Variants in ROPN1L observed in about 807,000 individuals in gnomAD.
ROPN1L encodes ropporin-1-like protein.
A neutral mutation model predicts 22.7 loss-of-function variants in ROPN1L; 23 were observed. The ratio of observed to expected loss-of-function variants is 1.01; its 90% confidence interval spans 0.73 to 1.43. The LOEUF (loss-of-function observed/expected upper bound fraction) is 1.43, where lower values mean the gene tolerates loss of function less well. ROPN1L is among the 40% of genes most tolerant of loss of function. ROPN1L has a pLI of 0.00. For missense variants in ROPN1L, 271 were observed against 291.5 expected (o/e 0.93, Z 0.51); for synonymous variants, 116 against 117.8 (o/e 0.98, Z 0.10).
chr5:10,465,718 G>A (rs1027452923), downstream of ROPN1L, among the ~76,000 whole-genome samples: 1 of 151,370 alleles, frequency 6.6e-6, no homozygotes, highest in African/African-American at 2.4e-5. Context: ...CAGGCGTGGC[G>A]GTGGGCACCT....
chr5:10,442,633 A>G (rs917917791), intron 1 of ROPN1L, among the ~76,000 whole-genome samples: 3 of 152,294 alleles, frequency 2.0e-5, no homozygotes, highest in African/African-American at 7.2e-5. Flanking sequence ...ATTATGTTAA[A>G]AAAATTACAC....
chr5:10,450,189 A>G, intron 3 of ROPN1L, 76 bp downstream of exon 3: 1 of 1,162,146 alleles, frequency 8.6e-7, no homozygotes, highest in Non-Finnish European at 1.2e-6. Context: ...AGGTTTCAGT[A>G]ACTAAAGGAA....
chr5:10,451,688 G>A (rs976364378), intron 3 of ROPN1L, among the ~76,000 whole-genome samples: 1 of 152,148 alleles, frequency 6.6e-6, no homozygotes, highest in Non-Finnish European at 1.5e-5. Flanking sequence ...TGGTGTGGCT[G>A]TAGAATGAGC....
At position 10,461,180 on chromosome 5, in the gene ROPN1L, C is replaced by T. The variant is rs1447293997; in HGVS notation, c.418-4C>T. 1 of 1,609,430 alleles carries T rather than the reference C, an allele frequency of 6.2e-7. No individual in the cohort carries two copies. The highest frequency in any genetic ancestry group is 8.5e-7 in the Non-Finnish European group (1 of 1,177,136). On this transcript the variant is annotated splice_polypyrimidine_tract_variant and splice_region_variant and intron_variant, in intron 3 of 4. Coordinates refer to ENST00000274134, the MANE Select transcript of ROPN1L (RefSeq NM_031916.5). ...TTCTCCCCACCTGGCTGTGGTGCTCCCAGTCCTTGAACACTGCGCTGAAGC... is the reference window on the plus strand; with the variant it reads ...TTCTCCCCACCTGGCTGTGGTGCTCTCAGTCCTTGAACACTGCGCTGAAGC...
chr5:10,465,384 C>T (rs1735134957), downstream of ROPN1L, among the ~76,000 whole-genome samples: 2 of 151,860 alleles, frequency 1.3e-5, no homozygotes, highest in African/African-American at 2.4e-5. Flanking sequence ...GGCGTGGTAG[C>T]GGGTGCTGTA....
intron 3 of ROPN1L, among the ~76,000 whole-genome samples, chr5:10,455,436 G>A (rs1036058233): frequency 4.6e-5 from 7 of 152,202 alleles, no homozygotes; most frequent in African/African-American, 1.2e-4. Flanking sequence ...CCCTGAAGAC[G>A]AAGGAGCCGC....
downstream of ROPN1L, among the ~76,000 whole-genome samples, chr5:10,476,713 A>G (rs548337137): frequency 6.6e-6 from 1 of 152,364 alleles, no homozygotes; most frequent in South Asian, 2.1e-4. Flanking sequence ...ATGAGCATTA[A>G]AACAAAGACA....
rs141401961 is a variant in ROPN1L, at chr5:10,464,462, C to T, written c.594-386C>T. On this transcript the variant is annotated intron_variant, in intron 4 of 4. Coordinates refer to ENST00000274134, the MANE Select transcript of ROPN1L (RefSeq NM_031916.5). ...TTCTCTTCTTTTGTGCTCTCTGATG[C>T]GGCTACTCCGCCTGACAGAGCCACC... is the stretch of plus-strand genomic sequence containing the variant. Among the ~76,000 whole-genome samples, 17 of 152,344 alleles carry T rather than the reference C, an allele frequency of 1.1e-4. No homozygotes were observed. The East Asian group carries it at 1.7e-3, about 16-fold the overall frequency.
chr5:10,464,884 T>C lies in ROPN1L; in HGVS notation c.630T>C (p.Asp210=). 6.2e-7 allele frequency: 1 copy of C among 1,607,458 alleles called. No individual in the cohort carries two copies. The highest frequency in any genetic ancestry group is 8.5e-7 in the Non-Finnish European group (1 of 1,177,664). ...AGAACGGCATGATAGGTCTTTCAGA[T>C]TTCTTCTTTCCAAAGAGGAAACTTT... ...ARKNGMIGLS[D]FFFPKRKLLE... is the part of the protein sequence containing the mutation. The change falls in exon 5 of 5, where the codon GAT becomes GAC. Residue 210 remains aspartate (D), a synonymous_variant. Coordinates refer to ENST00000274134, the MANE Select transcript of ROPN1L (RefSeq NM_031916.5).
At chr5:10,456,731 G>A (rs1165071315) in intron 3 of ROPN1L, among the ~76,000 whole-genome samples, 1 of 152,162 alleles carries the variant, frequency 6.6e-6, no homozygotes, top group African/African-American at 2.4e-5. Flanking sequence ...AATCCTTCTG[G>A]ATATAAAAAT....
intron 3 of ROPN1L, among the ~76,000 whole-genome samples, chr5:10,450,723 C>T (rs1437281049): frequency 3.9e-5 from 6 of 152,112 alleles, no homozygotes; most frequent in Admixed American, 1.3e-4. Context: ...AGGCTGGTCT[C>T]GAACTCCTGA....
chr5:10,452,315 C>CTG lies in ROPN1L; in HGVS notation c.417+2226_417+2227dup, dbSNP rs70947209. ...TGTGTGTGTGTGTGTGTGTGTGTGTCTGTGTGTGTGTGTGTGTGTGTGTGT... is the reference window on the plus strand; with the variant it reads ...TGTGTGTGTGTGTGTGTGTGTGTGTCTGTGTGTGTGTGTGTGTGTGTGTGTGT... On this transcript the variant is annotated intron_variant, in intron 3 of 4. Coordinates refer to ENST00000274134, the MANE Select transcript of ROPN1L (RefSeq NM_031916.5). 1.1e-3 allele frequency among the ~76,000 whole-genome samples: 134 copies of CTG among 125,486 alleles called. 1 individual carries two copies. The highest frequency in any genetic ancestry group is 7.5e-3 in the East Asian group (30 of 4,026). The allele number at this position is 125,486 out of a possible 152,430, so 82.3% of individuals were successfully genotyped here.
chr5:10,478,534 C>A, the ROPN1L span, among the ~76,000 whole-genome samples: 1 of 152,188 alleles, frequency 6.6e-6, no homozygotes, highest in Non-Finnish European at 1.5e-5. Flanking sequence ...CAATCCCTGG[C>A]ATTCCTTGGC....
rs1171121645 is a variant in ROPN1L, at chr5:10,443,180, C to A, written c.131+882C>A. 2.7e-5 allele frequency among the ~76,000 whole-genome samples: 4 copies of A among 146,222 alleles called. No individual in the cohort carries two copies. The East Asian group carries it at 9.7e-4, about 36-fold the overall frequency. Reference sequence around the variant, plus strand: ...GACCAGCCTGGGTAACACAGCAAGACCCCATCTGTATTTTTTTTAATAAGA... The same window carrying A: ...GACCAGCCTGGGTAACACAGCAAGAACCCATCTGTATTTTTTTTAATAAGA... On this transcript the variant is annotated intron_variant, in intron 1 of 4. Coordinates refer to ENST00000274134, the MANE Select transcript of ROPN1L (RefSeq NM_031916.5).
At chr5:10,448,052 T>G (rs1741128682) in intron 1 of ROPN1L, among the ~76,000 whole-genome samples, 1 of 152,160 alleles carries the variant, frequency 6.6e-6, no homozygotes, top group South Asian at 2.1e-4. Flanking sequence ...GGAGTCTCAT[T>G]ATCCCCTTTG....
downstream of ROPN1L, among the ~76,000 whole-genome samples, chr5:10,468,091 G>T (rs1399462599): frequency 6.6e-6 from 1 of 152,188 alleles, no homozygotes; most frequent in Non-Finnish European, 1.5e-5. Context: ...ACAGTTGGGG[G>T]TCTTCGTCTG....
intron 4 of ROPN1L, among the ~76,000 whole-genome samples, chr5:10,470,839 G>A (rs1046142865): frequency 6.6e-6 from 1 of 152,254 alleles, no homozygotes; most frequent in East Asian, 1.9e-4. Context: ...TTCGGGCTTA[G>A]GTGAAAATGC....
At chr5:10,459,523 G>A (rs573200804) in intron 3 of ROPN1L, among the ~76,000 whole-genome samples, 6 of 151,996 alleles carry the variant, frequency 3.9e-5, no homozygotes, top group African/African-American at 7.3e-5. Context: ...AAAGACCTCC[G>A]TGATCTGCCC....
intron 3 of ROPN1L, among the ~76,000 whole-genome samples, chr5:10,454,876 G>A (rs951490399): frequency 2.0e-5 from 3 of 152,194 alleles, no homozygotes; most frequent in African/African-American, 7.2e-5. Context: ...GAGAGAAGCT[G>A]AGTCACAACA....
Sources: allele counts gnomAD v4.1 joint callset (sites outside exome capture counted in the v4.1 genomes callset), GRCh38; gene constraint gnomAD v4.1.1; transcripts MANE v1.5; gene names NCBI Gene and HGNC (gene_info 2026-07-23, HGNC 2026-07-21).